Variants in GPM6B observed in about 807,000 individuals in gnomAD.
GPM6B encodes the protein glycoprotein M6B.
GPM6B carries 4 observed loss-of-function variants against 27.2 expected under a neutral mutation model. The ratio of observed to expected loss-of-function variants is 0.15; its 90% CI spans 0.07 to 0.34. The LOEUF (loss-of-function observed/expected upper bound fraction) is 0.34, where lower values mean the gene tolerates loss of function less well. Ranked by LOEUF, GPM6B falls within the 10% of genes least tolerant of loss-of-function variation. The pLI is 1.00. For synonymous variants in GPM6B, 124 were observed against 103.1 expected (o/e 1.20, Z -1.23); for missense variants, 183 against 261.9 (o/e 0.70, Z 2.08).
chrX:13,913,408 C>A (rs1366460888), intron 1 of GPM6B, among the ~76,000 whole-genome samples: 1 of 111,178 alleles, frequency 9.0e-6, no homozygotes, highest in Non-Finnish European at 1.9e-5. Context: ...CCACCTCAGC[C>A]TCCCAAAGTG....
intron 2 of GPM6B, among the ~76,000 whole-genome samples, chrX:13,789,139 T>C (rs193173308): frequency 5.1e-4 from 57 of 112,064 alleles, no homozygotes; most frequent in African/African-American, 1.7e-3. Flanking sequence ...ATAATACAGC[T>C]GGATGTAGAG....
intron 2 of GPM6B, among the ~76,000 whole-genome samples, chrX:13,799,385 G>GTAT (rs1211626204): frequency 2.2e-5 from 2 of 89,552 alleles, no homozygotes; most frequent in Non-Finnish European, 4.3e-5. Flanking sequence ...GCTGATTTTT[G>GTAT]TATTATTATT....
chrX:13,784,226 T>A (rs2048569567), intron 3 of GPM6B, among the ~76,000 whole-genome samples: 1 of 112,846 alleles, frequency 8.9e-6, no homozygotes, highest in Non-Finnish European at 1.9e-5. Context: ...CCCCAGAGAT[T>A]ATGTCCTAAT....
At chrX:13,804,427 G>C (rs777330695) in intron 2 of GPM6B, among the ~76,000 whole-genome samples, 8 of 74,532 alleles carry the variant, frequency 1.1e-4, no homozygotes, top group Admixed American at 1.6e-4. Context: ...CGGGGGGGGC[G>C]GGGGGCGGGG....
At chrX:13,870,373 G>A (rs2049962349) in intron 1 of GPM6B, among the ~76,000 whole-genome samples, 1 of 112,372 alleles carries the variant, frequency 8.9e-6, no homozygotes, top group South Asian at 3.7e-4. Flanking sequence ...CATCTGTGAA[G>A]CCTTTTAAAC....
rs779460728 is a variant in GPM6B, at chrX:13,861,939, C to A, written c.-197-76131G>T. 8.1e-5 allele frequency among the ~76,000 whole-genome samples: 9 copies of A among 111,683 alleles called. No individual in the cohort carries two copies. In the East Asian group the frequency reaches 8.4e-4, roughly 10 times the overall value. On this transcript the variant is annotated intron_variant, in intron 1 of 6. Transcript: ENST00000398361. The stretch of plus-strand genomic sequence containing the variant: ...AACTTCTCACCAGATTCTTCAGGAA[C>A]CCACGATCCAGAAATGGTAAGAATC...
intron 1 of GPM6B, among the ~76,000 whole-genome samples, chrX:13,921,580 C>CTT (rs1328500233): frequency 1.8e-5 from 1 of 54,187 alleles, no homozygotes. Context: ...TAACCCCCCC[C>CTT]CTTTTTTTTT....
At chrX:13,845,967 A>AG (rs1156813616) in intron 1 of GPM6B, among the ~76,000 whole-genome samples, 1 of 112,000 alleles carries the variant, frequency 8.9e-6, no homozygotes, top group African/African-American at 3.2e-5. Context: ...CAGGCCATGA[A>AG]GGGACACTGT....
At chrX:13,790,474 G>A (rs1569200422) in intron 2 of GPM6B, among the ~76,000 whole-genome samples, 2 of 112,022 alleles carry the variant, frequency 1.8e-5, no homozygotes, top group East Asian at 5.6e-4. Flanking sequence ...CAAGGCCTCT[G>A]GGGTGATTTG....
At chrX:13,870,586 A>G (rs2049964711) in intron 1 of GPM6B, among the ~76,000 whole-genome samples, 1 of 112,113 alleles carries the variant, frequency 8.9e-6, no homozygotes, top group African/African-American at 3.2e-5. Context: ...CAAGGTATGG[A>G]CTGAGGGTTA....
intron 1 of GPM6B, among the ~76,000 whole-genome samples, chrX:13,835,289 C>A (rs1330549084): frequency 8.9e-6 from 1 of 111,814 alleles, no homozygotes. Flanking sequence ...TGAGTGGAAC[C>A]ATGGGGGCAA....
chrX:13,879,508 G>GT (rs1465020957), intron 1 of GPM6B, among the ~76,000 whole-genome samples: 2 of 112,327 alleles, frequency 1.8e-5, no homozygotes, highest in Non-Finnish European at 3.8e-5. Context: ...GAAAATTCCA[G>GT]TAAGGAGAAG....
At chrX:13,931,866 C>T (rs973002646) in intron 1 of GPM6B, among the ~76,000 whole-genome samples, 12 of 112,031 alleles carry the variant, frequency 1.1e-4, no homozygotes, top group Admixed American at 6.6e-4. Context: ...CTCACTCCTA[C>T]CTCTCTTTCA....
intron 1 of GPM6B, among the ~76,000 whole-genome samples, chrX:13,886,742 A>AAAAAAAAAAAAAAAAAC (rs2050140386): frequency 9.7e-6 from 1 of 103,575 alleles, no homozygotes; most frequent in African/African-American, 3.6e-5. Context: ...AAAAAAAAAA[A>AAAAAAAAAAAAAAAAAC]TCTAGAAACT....
chrX:13,850,906 G>A (rs1050428567), intron 1 of GPM6B, among the ~76,000 whole-genome samples: 30 of 111,356 alleles, frequency 2.7e-4, no homozygotes, highest in African/African-American at 9.5e-4. Context: ...GCTCGTGCCT[G>A]TAATCCCAGC....
chrX:13,830,105 G>A (rs2049421495), intron 1 of GPM6B, among the ~76,000 whole-genome samples: 1 of 111,556 alleles, frequency 9.0e-6, no homozygotes, highest in African/African-American at 3.3e-5. Context: ...AAGGAGCTAC[G>A]TGCTCCTTGC....
intron 1 of GPM6B, among the ~76,000 whole-genome samples, chrX:13,928,222 C>T (rs1569311923): frequency 8.9e-6 from 1 of 112,084 alleles, no homozygotes; most frequent in Non-Finnish European, 1.9e-5. Context: ...GAGGCGGCTT[C>T]TAAGGGGCTG....
At chrX:13,938,623 T>C (rs1921971041), upstream of GPM6B, 1 of 349,153 alleles carries the variant, frequency 2.9e-6, no homozygotes, top group African/African-American at 2.6e-5. Flanking sequence ...CTGACCGGGC[T>C]TCTGCGGGCT....
At chrX:13,868,744 A>G (rs1444706913) in intron 1 of GPM6B, among the ~76,000 whole-genome samples, 1 of 112,373 alleles carries the variant, frequency 8.9e-6, no homozygotes, top group Non-Finnish European at 1.9e-5. Context: ...TGGACAACTA[A>G]TATCTTTCCT....
Sources: allele counts gnomAD v4.1 joint callset (sites outside exome capture counted in the v4.1 genomes callset), GRCh38; gene constraint gnomAD v4.1.1; transcripts MANE v1.5; gene names NCBI Gene and HGNC (gene_info 2026-07-23, HGNC 2026-07-21).